SPOCK1: variants seen among roughly 807,000 people sequenced by gnomAD.
The protein encoded by SPOCK1 is testican-1.
A neutral mutation model predicts 55.3 loss-of-function variants in SPOCK1; 23 were observed. The observed-to-expected ratio is 0.42, with a 90% CI of 0.30 to 0.59. The LOEUF (loss-of-function observed/expected upper bound fraction) is 0.59. Ranked by LOEUF, SPOCK1 falls within the 20% of genes least tolerant of loss-of-function variation. The pLI, the probability that SPOCK1 is intolerant of heterozygous loss-of-function variation, is 0.22. For missense variants in SPOCK1, 499 were observed against 552.5 expected (o/e 0.90, Z 0.97); for synonymous variants, 226 against 221.0 (o/e 1.02, Z -0.20).
At chr5:137,152,139 G>A (rs531984512) in intron 3 of SPOCK1, among the ~76,000 whole-genome samples, 2 of 152,288 alleles carry the variant, frequency 1.3e-5, no homozygotes, top group East Asian at 3.9e-4. Context: ...AAAAATGGTT[G>A]CATCCCCCAC....
At chr5:137,321,039 G>GT (rs1283046122) in intron 2 of SPOCK1, among the ~76,000 whole-genome samples, 2 of 152,220 alleles carry the variant, frequency 1.3e-5, no homozygotes, top group Admixed American at 6.5e-5. Flanking sequence ...ATGAAAAAGA[G>GT]TATTTTTTAA....
At chr5:137,334,287 T>C (rs920416035) in intron 2 of SPOCK1, among the ~76,000 whole-genome samples, 1 of 152,210 alleles carries the variant, frequency 6.6e-6, no homozygotes, top group Non-Finnish European at 1.5e-5. Flanking sequence ...TTTCGAAAGC[T>C]TTCCTCTTTC....
At chr5:137,223,487 A>G (rs933959495) in intron 3 of SPOCK1, among the ~76,000 whole-genome samples, 4 of 152,010 alleles carry the variant, frequency 2.6e-5, no homozygotes, top group Admixed American at 2.6e-4. Flanking sequence ...CTTTCCTCAC[A>G]ATTGACTACG....
intron 6 of SPOCK1, among the ~76,000 whole-genome samples, chr5:137,010,738 A>G (rs566233307): frequency 1.1e-4 from 17 of 152,152 alleles, no homozygotes; most frequent in Admixed American, 2.0e-4. Flanking sequence ...TTCTTCTACC[A>G]CAGATATCAC....
chr5:137,126,534 G>A (rs1370294684), intron 4 of SPOCK1, among the ~76,000 whole-genome samples: 6 of 152,286 alleles, frequency 3.9e-5, no homozygotes, highest in Non-Finnish European at 7.4e-5. Flanking sequence ...AGGCCAAAGC[G>A]GGTGGATCAC....
At position 137,189,685 on chromosome 5, in the gene SPOCK1, G is replaced by T. The variant is rs186254420; in HGVS notation, c.233-48991C>A. 1.0e-3 allele frequency among the ~76,000 whole-genome samples: 156 copies of T among 152,292 alleles called. 4 individuals are homozygous for T. In the Middle Eastern group the frequency reaches 0.014, roughly 13 times the overall value. ...ACCCTTTTTGTAGGCCACGGATCAA[G>T]AGGTAATTTGACTTTCAAGCCTTAT... On this transcript the variant is annotated intron_variant, in intron 3 of 10. Coordinates refer to ENST00000394945, the MANE Select transcript of SPOCK1 (RefSeq NM_004598.4).
chr5:137,054,041 A>G (rs1752256966), intron 6 of SPOCK1, among the ~76,000 whole-genome samples: 1 of 152,144 alleles, frequency 6.6e-6, no homozygotes, highest in Non-Finnish European at 1.5e-5. Context: ...TACAAAGAGC[A>G]GATCCATGTC....
intron 2 of SPOCK1, among the ~76,000 whole-genome samples, chr5:137,281,903 C>G (rs1344389695): frequency 1.3e-5 from 2 of 152,240 alleles, no homozygotes; most frequent in Admixed American, 1.3e-4. Context: ...ATTAACGGTT[C>G]TGTTTCCTGG....
chr5:137,462,666 T>C (rs758510330), intron 2 of SPOCK1, among the ~76,000 whole-genome samples: 2 of 152,240 alleles, frequency 1.3e-5, no homozygotes, highest in Non-Finnish European at 2.9e-5. Context: ...GCACTTAGAA[T>C]GGTGTCTAGC....
chr5:137,143,374 G>A (rs145171962), intron 3 of SPOCK1, among the ~76,000 whole-genome samples: 14 of 152,322 alleles, frequency 9.2e-5, no homozygotes, highest in Admixed American at 7.8e-4. Context: ...TCAACGGACA[G>A]TGCAATCACA....
chr5:137,109,940 C>T (rs1005363037), intron 5 of SPOCK1, among the ~76,000 whole-genome samples: 2 of 152,298 alleles, frequency 1.3e-5, no homozygotes, highest in Non-Finnish European at 2.9e-5. Context: ...GTGTTCCCTA[C>T]CAGATGGTAA....
At chr5:137,307,280 G>A (rs556076983) in intron 2 of SPOCK1, among the ~76,000 whole-genome samples, 100 of 152,346 alleles carry the variant, frequency 6.6e-4, no homozygotes, top group Non-Finnish European at 7.6e-4. Flanking sequence ...CTTAACTGCC[G>A]TCTCCAAAAT....
chr5:137,339,410 A>AT (rs1750363573), intron 2 of SPOCK1, among the ~76,000 whole-genome samples: 1 of 152,236 alleles, frequency 6.6e-6, no homozygotes, highest in Non-Finnish European at 1.5e-5. Context: ...TTTCTACTAA[A>AT]TGTATATATA....
At chr5:137,081,811 G>A (rs74901695) in intron 5 of SPOCK1, among the ~76,000 whole-genome samples, 2,426 of 152,326 alleles carry the variant, frequency 0.016, 73 homozygotes, top group African/African-American at 0.056. Context: ...AACTCAAAGA[G>A]GATTTTCTTT....
At chr5:137,379,229 G>T (rs1751404320) in intron 2 of SPOCK1, among the ~76,000 whole-genome samples, 1 of 140,538 alleles carries the variant, frequency 7.1e-6, no homozygotes, top group Non-Finnish European at 1.5e-5. Context: ...CCTTGGCCCT[G>T]CATGGAACTA....
chr5:137,428,344 T>C (rs896924529), intron 2 of SPOCK1, among the ~76,000 whole-genome samples: 2 of 152,136 alleles, frequency 1.3e-5, no homozygotes, highest in African/African-American at 2.4e-5. Context: ...GAGAGTCATG[T>C]AGGGAAAATG....
chr5:137,088,900 G>T (rs1419611378), intron 5 of SPOCK1, among the ~76,000 whole-genome samples: 2 of 152,122 alleles, frequency 1.3e-5, no homozygotes, highest in Non-Finnish European at 2.9e-5. Context: ...GGGAGATCAG[G>T]AGCAAAAAGG....
At chr5:137,196,644 C>T (rs1755303977) in intron 3 of SPOCK1, among the ~76,000 whole-genome samples, 1 of 152,262 alleles carries the variant, frequency 6.6e-6, no homozygotes, top group Non-Finnish European at 1.5e-5. Context: ...CTGACTGCCT[C>T]CAACTATATC....
At chr5:137,480,464 T>A (rs1027193031) in intron 2 of SPOCK1, among the ~76,000 whole-genome samples, 4 of 152,154 alleles carry the variant, frequency 2.6e-5, no homozygotes, top group Non-Finnish European at 4.4e-5. Flanking sequence ...CCTTCCTGCT[T>A]CTCTTGGACA....
Sources: gnomAD v4.1 joint callset for allele counts (sites outside exome capture counted in the v4.1 genomes callset) on GRCh38, gnomAD v4.1.1 for gene constraint, MANE v1.5 for transcripts, NCBI Gene and HGNC (gene_info 2026-07-23, HGNC 2026-07-21) for gene names.